AUTS2: variants seen among roughly 807,000 people sequenced by gnomAD.
AUTS2 encodes the protein autism susceptibility gene 2 protein.
AUTS2 carries 17 observed loss-of-function variants against 112.4 expected under a neutral mutation model. The ratio of observed to expected loss-of-function variants is 0.15; its 90% CI spans 0.10 to 0.23. The LOEUF (loss-of-function observed/expected upper bound fraction) is 0.23, where lower values mean the gene tolerates loss of function less well. Among genes scored for constraint, AUTS2 ranks in the 10% least tolerant of loss-of-function variants. The pLI, the probability that AUTS2 is intolerant of heterozygous loss-of-function variation, is 1.00. For missense variants in AUTS2, 1,510 were observed against 1,701.6 expected (o/e 0.89, Z 1.98); for synonymous variants, 751 against 702.7 (o/e 1.07, Z -1.09).
chr7:69,602,753 G>A (rs997598791), intron 1 of AUTS2, among the ~76,000 whole-genome samples: 22 of 152,170 alleles, frequency 1.4e-4, no homozygotes, highest in African/African-American at 4.6e-4. Flanking sequence ...TAGGGAAGCC[G>A]TAAATACATT....
chr7:70,286,167 C>T (rs564257485), intron 4 of AUTS2, among the ~76,000 whole-genome samples: 3 of 152,130 alleles, frequency 2.0e-5, no homozygotes, highest in East Asian at 3.8e-4. Flanking sequence ...AGAAAGCAGG[C>T]CTTCAGAGAG....
At chr7:69,645,727 T>G (rs984568344) in intron 1 of AUTS2, among the ~76,000 whole-genome samples, 2 of 151,990 alleles carry the variant, frequency 1.3e-5, no homozygotes, top group Non-Finnish European at 2.9e-5. Context: ...TCTGTGGGGT[T>G]ATGGGGCAGG....
intron 1 of AUTS2, among the ~76,000 whole-genome samples, chr7:69,859,042 A>G (rs1792861189): frequency 6.6e-6 from 1 of 152,252 alleles, no homozygotes; most frequent in Non-Finnish European, 1.5e-5. Context: ...CAGCATCTTC[A>G]TCATTCCAAA....
At chr7:70,214,775 A>C (rs1295962448) in intron 4 of AUTS2, among the ~76,000 whole-genome samples, 1 of 152,238 alleles carries the variant, frequency 6.6e-6, no homozygotes, top group African/African-American at 2.4e-5. Context: ...TAATGTATAC[A>C]AACAGTAATA....
intron 1 of AUTS2, among the ~76,000 whole-genome samples, chr7:69,798,265 C>G (rs964657631): frequency 2.0e-5 from 3 of 152,108 alleles, no homozygotes; most frequent in Admixed American, 6.6e-5. Flanking sequence ...TGTGGATCAC[C>G]CCTTTACTCA....
chr7:69,712,457 G>A (rs1041128799), intron 1 of AUTS2, among the ~76,000 whole-genome samples: 3 of 151,988 alleles, frequency 2.0e-5, no homozygotes, highest in African/African-American at 7.2e-5. Flanking sequence ...CAACAATTAC[G>A]TGTAAATGAA....
At position 69,789,060 on chromosome 7, in the gene AUTS2, T is replaced by C. The variant is rs559350672; in HGVS notation, c.310-110226T>C. ...AGGCAAGGAGTATTAAAGAAATTAA[T>C]GTTTAATGCCATCAACAAGTTTTCA... On this transcript the variant is annotated intron_variant, in intron 1 of 18. Transcript: ENST00000342771. Among the ~76,000 whole-genome samples the C allele has an allele frequency of 5.3e-5, 8 of 152,298 alleles. No individual in the cohort carries two copies. In the South Asian group the frequency reaches 1.5e-3, roughly 28 times the overall value.
At chr7:70,473,671 G>A (rs1338713511) in intron 5 of AUTS2, among the ~76,000 whole-genome samples, 3 of 151,618 alleles carry the variant, frequency 2.0e-5, no homozygotes, top group African/African-American at 7.3e-5. Flanking sequence ...GGAGTCAAGA[G>A]AGTGCTTTGT....
chr7:70,616,660 G>T (rs1804383453), intron 5 of AUTS2, among the ~76,000 whole-genome samples: 1 of 152,076 alleles, frequency 6.6e-6, no homozygotes, highest in Non-Finnish European at 1.5e-5. Context: ...GGGAATGAAC[G>T]AGTGGTCAGG....
intron 6 of AUTS2, among the ~76,000 whole-genome samples, chr7:70,755,154 G>GTC (rs1789115296): frequency 6.6e-6 from 1 of 152,134 alleles, no homozygotes; most frequent in Non-Finnish European, 1.5e-5. Context: ...TGTGCCTGTA[G>GTC]TCCCATCTCC....
intron 2 of AUTS2, among the ~76,000 whole-genome samples, chr7:69,943,932 G>T (rs1209009492): frequency 6.6e-6 from 1 of 152,182 alleles, no homozygotes; most frequent in Admixed American, 6.5e-5. Context: ...GTACAAACTG[G>T]TGATATGAAA....
At chr7:70,578,903 C>CCTTT (rs201892880) in intron 5 of AUTS2, among the ~76,000 whole-genome samples, 1 of 148,446 alleles carries the variant, frequency 6.7e-6, no homozygotes, top group Non-Finnish European at 1.5e-5. Context: ...TTTCTTCTTT[C>CCTTT]CTTTCTTTCT....
At chr7:70,752,453 G>C (rs764907047) in intron 6 of AUTS2, among the ~76,000 whole-genome samples, 1 of 152,150 alleles carries the variant, frequency 6.6e-6, no homozygotes, top group Non-Finnish European at 1.5e-5. Flanking sequence ...CAGTGGGAAC[G>C]TGTTATAGAT....
intron 1 of AUTS2, among the ~76,000 whole-genome samples, chr7:69,688,671 T>A (rs532469593): frequency 1.3e-5 from 2 of 152,308 alleles, no homozygotes; most frequent in South Asian, 2.1e-4. Flanking sequence ...CAATACGTAA[T>A]ATATTATTGT....
At chr7:70,415,883 C>T (rs927425942) in intron 4 of AUTS2, among the ~76,000 whole-genome samples, 1 of 152,174 alleles carries the variant, frequency 6.6e-6, no homozygotes, top group Non-Finnish European at 1.5e-5. Flanking sequence ...TGTCATTCTC[C>T]TCACACAGCG....
At chr7:70,687,482 A>G (rs1045763842) in intron 5 of AUTS2, among the ~76,000 whole-genome samples, 5 of 152,212 alleles carry the variant, frequency 3.3e-5, no homozygotes, top group Non-Finnish European at 7.3e-5. Flanking sequence ...ATTTTTTAAT[A>G]CTTTTTCCCC....
At chr7:69,711,190 A>G (rs1172920278) in intron 1 of AUTS2, among the ~76,000 whole-genome samples, 1 of 152,110 alleles carries the variant, frequency 6.6e-6, no homozygotes, top group Non-Finnish European at 1.5e-5. Flanking sequence ...CACTTGGCTT[A>G]TGTGGTTCTA....
chr7:70,043,972 T>G (rs1801387793), intron 2 of AUTS2, among the ~76,000 whole-genome samples: 2 of 151,874 alleles, frequency 1.3e-5, no homozygotes, highest in South Asian at 4.2e-4. Flanking sequence ...AGGGTGGGAG[T>G]AGGGGTGGAG....
At chr7:70,062,014 C>T (rs911824620) in intron 2 of AUTS2, among the ~76,000 whole-genome samples, 2 of 151,876 alleles carry the variant, frequency 1.3e-5, no homozygotes, top group Non-Finnish European at 2.9e-5. Context: ...TCTCAAACTC[C>T]TGACCTCAGG....
Sources: allele counts gnomAD v4.1 joint callset (sites outside exome capture counted in the v4.1 genomes callset), GRCh38; gene constraint gnomAD v4.1.1; transcripts MANE v1.5; gene names NCBI Gene and HGNC (gene_info 2026-07-23, HGNC 2026-07-21).